Variants in PLCH2 observed in about 807,000 individuals in gnomAD.
PLCH2 encodes the protein 1-phosphatidylinositol 4,5-bisphosphate phosphodiesterase eta-2.
In PLCH2, 98 loss-of-function variants were observed where a neutral mutation model predicts 134.7. That is an observed-to-expected ratio of 0.73 (90% CI 0.62 to 0.86). The LOEUF (loss-of-function observed/expected upper bound fraction) is 0.86, where lower values mean the gene tolerates loss of function less well. Among genes scored for constraint, PLCH2 ranks in the 40% least tolerant of loss-of-function variants. The pLI is 0.00. For missense variants in PLCH2, 1,994 were observed against 1,986.6 expected (o/e 1.00, Z -0.07); for synonymous variants, 974 against 827.5 (o/e 1.18, Z -3.04).
At chr1:2,494,979 G>A (rs540850863) in intron 12 of PLCH2, 31 bp downstream of exon 12, 41 of 1,489,016 alleles carry the variant, frequency 2.8e-5, no homozygotes, top group Non-Finnish European at 3.7e-5. Flanking sequence ...CAGGGTCCCG[G>A]TCTGGGCCCA....
chr1:2,453,380 G>T (rs952122368), intron 2 of PLCH2, among the ~76,000 whole-genome samples: 2 of 152,224 alleles, frequency 1.3e-5, no homozygotes, highest in Non-Finnish European at 2.9e-5. Context: ...AGCTGGGGAT[G>T]GCAGGCGGTG....
Position 2,494,226 on chromosome 1 carries a change from G to A in PLCH2, c.1660-630G>A, listed in dbSNP as rs148922747. Among the ~76,000 whole-genome samples, 85 of 152,308 alleles carry A rather than the reference G, an allele frequency of 5.6e-4. No individual in the cohort carries two copies. The East Asian group carries it at 0.016, about 28-fold the overall frequency. ...GCTCTGCTGGTTCCATTGGGAATGA[G>A]CTTTGGGGTGAATGAGCAGCTCGTG... On this transcript the variant is annotated intron_variant, in intron 11 of 21. Transcript: ENST00000378486.
In PLCH2 at chr1:2,502,373, C is replaced by G; in HGVS notation, c.2923C>G (p.Pro975Ala). 6.5e-7 allele frequency: 1 copy of G among 1,543,144 alleles called. No homozygotes were observed. The highest frequency in any genetic ancestry group is 1.4e-5 in the African/African-American group (1 of 72,846). ...CGGGCCCGGACCTGCTCCGGAAGCC[C>G]CAGCCCAGGAGGGGCCCGGCAGCGG... is the stretch of plus-strand genomic sequence containing the variant. ...PPGPGPAPEA[P>A]AQEGPGSGSP... The change falls in exon 21 of 22, where the codon CCA becomes GCA. Residue 975 changes from proline to alanine, a missense_variant. Transcript: ENST00000378486.
At chr1:2,451,317 G>A (rs370993313) in intron 2 of PLCH2, among the ~76,000 whole-genome samples, 72 of 152,346 alleles carry the variant, frequency 4.7e-4, no homozygotes, top group African/African-American at 1.6e-3. Flanking sequence ...CCCGGCCCCC[G>A]AAGATCATAC....
rs1350947291 is a variant in PLCH2 at position 2,505,427 on chromosome 1, C to A, written c.*214C>A. 5.3e-6 allele frequency: 3 copies of A among 565,804 alleles called. No homozygotes were observed. The highest frequency in any genetic ancestry group is 9.3e-6 in the Non-Finnish European group (3 of 322,542). The allele number at this position is 565,804 out of a possible 1,614,324, so 35.0% of individuals were successfully genotyped here. On this transcript the variant is annotated 3_prime_UTR_variant, in exon 22 of 22. Transcript: ENST00000378486. Reference sequence around the variant, plus strand: ...CACAGGAGGGGCTTCGAGGCTGGCCCTGCCAGGCAGTTTTCCCGGCGTTTT... The same window carrying A: ...CACAGGAGGGGCTTCGAGGCTGGCCATGCCAGGCAGTTTTCCCGGCGTTTT...
chr1:2,433,186 G>C (rs1459333741), intron 2 of PLCH2, among the ~76,000 whole-genome samples: 1 of 152,236 alleles, frequency 6.6e-6, no homozygotes, highest in East Asian at 1.9e-4. Context: ...CTTCCAGATT[G>C]GCTCCCGGCC....
At chr1:2,479,033 C>A in intron 2 of PLCH2, 1 of 201,316 alleles carries the variant, frequency 5.0e-6, no homozygotes, top group Non-Finnish European at 1.0e-5. Context: ...CTGGAGGGAG[C>A]AGGGGCCACC....
rs1214793580 is a variant in PLCH2, at chr1:2,498,705, G to A, written c.2350-39G>A. On this transcript the variant is annotated intron_variant, in intron 17 of 21. Transcript: ENST00000378486. The surrounding 1 kb of genome is among the most constrained non-coding windows in gnomAD (Gnocchi z 5.4). The stretch of plus-strand genomic sequence containing the variant: ...GGGAGTTGGGGGCGGGCCGGGCATC[G>A]CGATGGGCCCTGATGCCACCCCCAC... The A allele has an allele frequency of 6.4e-6, 10 of 1,568,780 alleles. No homozygotes were observed. The highest frequency in any genetic ancestry group is 5.4e-5 in the Admixed American group (3 of 55,416).
intron 1 of PLCH2, among the ~76,000 whole-genome samples, chr1:2,470,816 G>C (rs894760240): frequency 3.4e-4 from 52 of 152,174 alleles, no homozygotes; most frequent in Admixed American, 2.2e-3. Flanking sequence ...TTCAGGAAAG[G>C]CTCCCCCACC....
chr1:2,462,818 G>T (rs551998691), upstream of PLCH2, among the ~76,000 whole-genome samples: 4 of 152,300 alleles, frequency 2.6e-5, no homozygotes, highest in African/African-American at 9.6e-5. Flanking sequence ...CACTGCCCAG[G>T]ACAGGAGGTC....
At position 2,489,853 on chromosome 1, in the gene PLCH2, C is replaced by T. The variant is rs1334068892; in HGVS notation, c.1501C>T (p.Leu501Phe). The change falls in exon 10 of 22, where the codon CTC becomes TTC. Residue 501 changes from leucine to phenylalanine, a missense_variant. Coordinates refer to ENST00000378486, the MANE Select transcript of PLCH2 (RefSeq NM_014638.4). ...SADEIDDDCK[L>F]LNGDASTNRK... ...TGATGAGATTGACGATGACTGCAAG[C>T]TCCTCAATGGGGATGTGAGTCGGGC... is the stretch of plus-strand genomic sequence containing the variant. The T allele has an allele frequency of 1.2e-6, 2 of 1,611,420 alleles. No homozygotes were observed. Among genetic ancestry groups the T allele is most frequent in the Non-Finnish European group, 1.7e-6 (2 of 1,177,856 alleles).
intron 1 of PLCH2, chr1:2,426,154 G>T (rs1638787663): frequency 6.6e-6 from 1 of 152,198 alleles, no homozygotes; most frequent in East Asian, 1.9e-4. Flanking sequence ...CGAGGCCCAG[G>T]GTGTCACCCA....
intron 2 of PLCH2, among the ~76,000 whole-genome samples, chr1:2,434,280 G>A (rs1403707796): frequency 6.6e-6 from 1 of 152,246 alleles, no homozygotes; most frequent in Non-Finnish European, 1.5e-5. Flanking sequence ...CAGGTCAGAG[G>A]CTTTTCTAGA....
rs1316514371 is a variant in PLCH2, at chr1:2,499,632, C to T, written c.2582-9C>T. On this transcript the variant is annotated splice_polypyrimidine_tract_variant and intron_variant, in intron 19 of 21. Coordinates refer to ENST00000378486, the MANE Select transcript of PLCH2 (RefSeq NM_014638.4). ...GACCTCATGACCCTGCTGACCCACA[C>T]TGCTCCAGGCTACAGACACGTGTAC... The T allele has an allele frequency of 1.3e-6, 2 of 1,593,336 alleles. No homozygotes were observed. Among genetic ancestry groups the T allele is most frequent in the South Asian group, 1.1e-5 (1 of 87,332 alleles).
At chr1:2,477,186 G>T (rs186521483) in intron 1 of PLCH2, among the ~76,000 whole-genome samples, 2,196 of 152,210 alleles carry the variant, frequency 0.014, 25 homozygotes, top group Non-Finnish European at 0.021. Context: ...GCCCCGGTCC[G>T]GGCTGGCCTG....
chr1:2,486,974 A>G lies in PLCH2; in HGVS notation c.884A>G (p.Lys295Arg). 1 of 1,605,356 alleles carries G rather than the reference A, an allele frequency of 6.2e-7. No homozygotes were observed. The highest frequency in any genetic ancestry group is 2.2e-5 in the East Asian group (1 of 44,522). The change falls in exon 6 of 22, where the codon AAG (lysine) becomes AGG (arginine). Residue 295 changes from lysine (K) to arginine (R), a missense_variant. Transcript: ENST00000378486. ...IEQFEPCPEN[K>R]SKGLLGIDGF... is the part of the protein sequence containing the mutation. ...CAGTTTGAGCCATGCCCAGAAAACA[A>G]GAGTAAGGGGCTGCTGGGCATTGAT...
At position 2,496,908 on chromosome 1, in the gene PLCH2, C is replaced by G; in HGVS notation, c.2014C>G (p.Arg672Gly). The change falls in exon 15 of 22, where the codon CGC becomes GGC. Residue 672 changes from arginine to glycine, a missense_variant. Around this residue, in one of 2 missense-constraint regions of PLCH2, gnomAD observed 1,094 missense variants for 1,234.3 expected, o/e 0.89. Coordinates refer to ENST00000378486, the MANE Select transcript of PLCH2 (RefSeq NM_014638.4). ...ILQQKPAQYL[R>G]FNQQQLSRIY... ...GCAGCAGAAGCCGGCGCAGTACCTACGCTTCAACCAGCAGCAGCTCTCCCG... is the reference window on the plus strand; with the variant it reads ...GCAGCAGAAGCCGGCGCAGTACCTAGGCTTCAACCAGCAGCAGCTCTCCCG... The G allele has an allele frequency of 6.2e-7, 1 of 1,613,180 alleles. No homozygotes were observed. Among genetic ancestry groups the G allele is most frequent in the South Asian group, 1.1e-5 (1 of 91,084 alleles).
At chr1:2,496,236 G>A (rs1412825774) in intron 13 of PLCH2, among the ~76,000 whole-genome samples, 6 of 152,118 alleles carry the variant, frequency 3.9e-5, no homozygotes, top group African/African-American at 7.2e-5. Flanking sequence ...CGGCCGACAC[G>A]GAGGCCCCCT....
At position 2,489,972 on chromosome 1, in the gene PLCH2, G is replaced by C. The variant is rs919844746; in HGVS notation, c.1515+105G>C. On this transcript the variant is annotated intron_variant, in intron 10 of 21. Transcript: ENST00000378486. ...GAGTTAGAAAGGGAGGCATCCGGGAGAGAGGGACATTGGGGCAGATTCGCA... is the reference window on the plus strand; with the variant it reads ...GAGTTAGAAAGGGAGGCATCCGGGACAGAGGGACATTGGGGCAGATTCGCA... The C allele has an allele frequency of 1.0e-5, 9 of 862,258 alleles. No individual in the cohort carries two copies. The Admixed American group carries it at 1.7e-4, about 17-fold the overall frequency. 53.4% of individuals were successfully genotyped at this position (862,258 alleles called of 1,614,324 possible). A position where few individuals can be genotyped will look rare whatever the true frequency, so the allele number is the denominator to read the frequency against.
Sources: gnomAD v4.1 joint callset for allele counts (sites outside exome capture counted in the v4.1 genomes callset) on GRCh38, gnomAD v4.1.1 for gene constraint, gnomAD v4.1.1 regional missense constraint, Gnocchi (gnomAD v3.1) non-coding constraint, MANE v1.5 for transcripts, NCBI Gene and HGNC (gene_info 2026-07-23, HGNC 2026-07-21) for gene names.